REV3L: variants seen among roughly 807,000 people sequenced by gnomAD.
REV3L encodes the protein REV3 like, DNA directed polymerase zeta catalytic subunit.
REV3L carries 69 observed loss-of-function variants against 299.4 expected under a neutral mutation model. The observed-to-expected ratio is 0.23, with a 90% confidence interval of 0.19 to 0.28. The LOEUF is 0.28. REV3L is among the 10% of genes least tolerant of loss of function. The pLI is 1.00. For synonymous variants in REV3L, 1,238 were observed against 1,271.4 expected (o/e 0.97, Z 0.56); for missense variants, 3,128 against 3,693.8 (o/e 0.85, Z 3.97).
At chr6:111,324,028 C>T (rs1193673456) in intron 25 of REV3L, among the ~76,000 whole-genome samples, 1 of 152,134 alleles carries the variant, frequency 6.6e-6, no homozygotes, top group Non-Finnish European at 1.5e-5. Flanking sequence ...GAGACAGAGT[C>T]TCGTTCTGTC....
intron 15 of REV3L, 66 bp from the exon 16 acceptor site, chr6:111,364,044 T>A: frequency 6.4e-7 from 1 of 1,553,646 alleles, no homozygotes; most frequent in Non-Finnish European, 8.7e-7. Flanking sequence ...TTTCTTTTGA[T>A]TACTTATTCT....
intron 29 of REV3L, 153 bp from the exon 30 acceptor site, chr6:111,310,252 A>G (rs1772826768): frequency 1.0e-6 from 1 of 995,878 alleles, no homozygotes; most frequent in Non-Finnish European, 1.4e-6. Context: ...AGAATAATAT[A>G]TATACATTTT....
At position 111,373,093 on chromosome 6, in the gene REV3L, C is replaced by T; in HGVS notation, c.5262G>A (p.Arg1754=). The T allele has an allele frequency of 1.2e-6, 2 of 1,614,072 alleles. No individual in the cohort carries two copies. Among genetic ancestry groups the T allele is most frequent in the Non-Finnish European group, 1.7e-6 (2 of 1,179,996 alleles). Residue 1754 remains arginine, a synonymous_variant, in exon 13 of 32, where the codon CGG becomes CGA. Transcript: ENST00000368802. ...AGAAAGAATCCATTATTGAGTTAGACCGAGTTGTTAGAGGATGAAAGCTAT... is the reference window on the plus strand; with the variant it reads ...AGAAAGAATCCATTATTGAGTTAGATCGAGTTGTTAGAGGATGAAAGCTAT... The part of the protein sequence containing the change: ...WKNSFHPLTT[R]SNSIMDSFCV...
chr6:111,365,273 G>T lies in REV3L; in HGVS notation c.6745C>A (p.Gln2249Lys). 1 of 1,517,602 alleles carries T rather than the reference G, an allele frequency of 6.6e-7. No individual in the cohort carries two copies. The highest frequency in any genetic ancestry group is 8.9e-7 in the Non-Finnish European group (1 of 1,124,368). The allele number at this position is 1,517,602 out of a possible 1,614,324, so 94.0% of individuals were successfully genotyped here. ...TDTLRRVLLT[Q>K]AKNQFAAVNT... ...ATGTTTAGTATAGTTACCTTTGCTT[G>T]TGTTAACAGTACTCTTCTAAGAGTG... Residue 2249 changes from glutamine (Q) to lysine (K), a missense_variant, in exon 15 of 32, where the codon CAA (glutamine) becomes AAA (lysine). Transcript: ENST00000368802.
intron 21 of REV3L, 76 bp downstream of exon 21, chr6:111,343,849 G>A (rs1776772138): frequency 9.5e-6 from 10 of 1,051,358 alleles, no homozygotes; most frequent in Non-Finnish European, 1.4e-5. Flanking sequence ...CACTTTAAAT[G>A]TGTGCATTTT....
intron 3 of REV3L, among the ~76,000 whole-genome samples, chr6:111,410,170 G>A (rs961928333): frequency 3.3e-5 from 5 of 152,046 alleles, no homozygotes; most frequent in Non-Finnish European, 4.4e-5. Flanking sequence ...GCACCATTGC[G>A]TACTCCAGCC....
At position 111,367,982 on chromosome 6, in the gene REV3L, C is replaced by A; in HGVS notation, c.5806G>T (p.Asp1936Tyr). 6.2e-7 allele frequency: 1 copy of A among 1,612,578 alleles called. No individual in the cohort carries two copies. The highest frequency in any genetic ancestry group is 1.7e-5 in the Admixed American group (1 of 59,686). The change falls in exon 14 of 32, where the codon GAT (aspartate) becomes TAT (tyrosine). Residue 1936 changes from aspartate (D) to tyrosine (Y), a missense_variant. Transcript: ENST00000368802. The stretch of plus-strand genomic sequence containing the variant: ...AAGTCTCCCTCAAACTCAGCCAGAT[C>A]ATTTGCAAGTCGAGTTTCTACCATG... Reference protein sequence around the residue: ...LLMVETRLANDLAEFEGDFSL... With the variant: ...LLMVETRLANYLAEFEGDFSL...
chr6:111,431,163 G>GT (rs1185450933), intron 1 of REV3L: 3 of 1,559,698 alleles, frequency 1.9e-6, no homozygotes. Flanking sequence ...GCAGCCATGA[G>GT]TTTTTGGCCA....
At chr6:111,332,150 C>T (rs945654078) in intron 23 of REV3L, among the ~76,000 whole-genome samples, 2 of 152,142 alleles carry the variant, frequency 1.3e-5, no homozygotes, top group Non-Finnish European at 2.9e-5. Flanking sequence ...CGGCTCACTG[C>T]AAGCTCCGCC....
intron 31 of REV3L, among the ~76,000 whole-genome samples, chr6:111,306,437 TATC>T (rs1332564303): frequency 1.3e-5 from 2 of 152,128 alleles, no homozygotes; most frequent in Admixed American, 6.5e-5. Context: ...GGAGATGACT[TATC>T]AACAATAAGG....
In REV3L at chr6:111,323,284, G is replaced by A. The variant is rs17540097; in HGVS notation, c.8242-606C>T. 3.7e-3 allele frequency among the ~76,000 whole-genome samples: 560 copies of A among 152,246 alleles called. 1 individual carries two copies. Among genetic ancestry groups the A allele is most frequent in the Non-Finnish European group, 6.7e-3 (456 of 68,004 alleles). ...ATTATAGGCGTGAGCCACCGTGCCCGACCTATTCAACTTTCTTATGTGCCC... is the reference window on the plus strand; with the variant it reads ...ATTATAGGCGTGAGCCACCGTGCCCAACCTATTCAACTTTCTTATGTGCCC... On this transcript the variant is annotated intron_variant, in intron 25 of 31. Coordinates refer to ENST00000368802, the MANE Select transcript of REV3L (RefSeq NM_001372078.1).
intron 25 of REV3L, among the ~76,000 whole-genome samples, chr6:111,323,062 C>T (rs1273617209): frequency 2.0e-5 from 3 of 151,280 alleles, no homozygotes; most frequent in Non-Finnish European, 4.4e-5. Context: ...AATCTTGGCT[C>T]ACTGCAACCT....
At chr6:111,371,768 TG>T (rs887832616) in intron 13 of REV3L, among the ~76,000 whole-genome samples, 1 of 152,132 alleles carries the variant, frequency 6.6e-6, no homozygotes, top group Non-Finnish European at 1.5e-5. Flanking sequence ...TTCACCATGT[TG>T]GCCAGGCTGG....
intron 1 of REV3L, among the ~76,000 whole-genome samples, chr6:111,430,050 G>A (rs1306551306): frequency 6.6e-6 from 1 of 152,128 alleles, no homozygotes; most frequent in African/African-American, 2.4e-5. Flanking sequence ...GGTTCCAGGG[G>A]AAGAAAAGGG....
At chr6:111,370,249 T>C (rs139210605) in intron 13 of REV3L, among the ~76,000 whole-genome samples, 3 of 152,300 alleles carry the variant, frequency 2.0e-5, no homozygotes, top group East Asian at 1.9e-4. Context: ...CACATAAAGT[T>C]TGGTAACTAA....
At chr6:111,464,749 C>T (rs1791219643) in intron 1 of REV3L, among the ~76,000 whole-genome samples, 2 of 152,164 alleles carry the variant, frequency 1.3e-5, no homozygotes, top group Admixed American at 1.3e-4. Context: ...CGCCTGTAAT[C>T]CTTGCACTTT....
chr6:111,422,631 C>CACACATATATATATAT (rs1785598172), intron 1 of REV3L, among the ~76,000 whole-genome samples: 1 of 12,732 alleles, frequency 7.9e-5, no homozygotes, highest in Non-Finnish European at 3.6e-4. Flanking sequence ...TATATATATA[C>CACACATATATATATAT]ACATATATAT....
chr6:111,394,756 T>A (rs1782306072), intron 4 of REV3L, among the ~76,000 whole-genome samples: 1 of 150,006 alleles, frequency 6.7e-6, no homozygotes, highest in Admixed American at 6.8e-5. Context: ...CAGGCTGGAG[T>A]GCAGTGTATG....
At chr6:111,368,310 T>A (rs2115036821) in intron 13 of REV3L, among the ~76,000 whole-genome samples, 1 of 152,326 alleles carries the variant, frequency 6.6e-6, no homozygotes, top group Non-Finnish European at 1.5e-5. Flanking sequence ...CCTTCTGTCC[T>A]TCAAGGAGAT....
Sources: allele counts gnomAD v4.1 joint callset (sites outside exome capture counted in the v4.1 genomes callset), GRCh38; gene constraint gnomAD v4.1.1; transcripts MANE v1.5; gene names NCBI Gene and HGNC (gene_info 2026-07-23, HGNC 2026-07-21).